The following ACMSD variants were observed in gnomAD, a reference collection of about 807,000 sequenced individuals.
ACMSD encodes 2-amino-3-carboxymuconate-6-semialdehyde decarboxylase.
A neutral mutation model predicts 45.9 loss-of-function variants in ACMSD; 37 were observed. The ratio of observed to expected loss-of-function variants is 0.81; its 90% CI spans 0.62 to 1.06. The LOEUF (loss-of-function observed/expected upper bound fraction) is 1.06, where lower values mean the gene tolerates loss of function less well. ACMSD is among the 50% of genes least tolerant of loss of function. The pLI is 0.00. For synonymous variants in ACMSD, 138 were observed against 148.8 expected, an observed-to-expected ratio of 0.93 and a Z score of 0.53; for missense variants, 434 against 420.9, an observed-to-expected ratio of 1.03 and a Z score of -0.27.
chr2:134,877,175 T>C lies in ACMSD; in HGVS notation c.849+4534T>C, dbSNP rs553987241. 3.9e-5 allele frequency among the ~76,000 whole-genome samples: 6 copies of C among 152,302 alleles called. No homozygotes were observed. In the East Asian group the frequency reaches 7.7e-4, roughly 20 times the overall value. Reference sequence around the variant, plus strand: ...GCATTGCACATAATAATAGTAGTAATAATGCATCACATTATGATGGCTATA... The same window carrying C: ...GCATTGCACATAATAATAGTAGTAACAATGCATCACATTATGATGGCTATA... On this transcript the variant is annotated intron_variant, in intron 8 of 9. Transcript: ENST00000356140.
chr2:134,883,286 T>G (rs1162041865), intron 8 of ACMSD, among the ~76,000 whole-genome samples: 1 of 151,922 alleles, frequency 6.6e-6, no homozygotes, highest in Admixed American at 6.6e-5. Flanking sequence ...CAGAAGAAAT[T>G]TCAGCTTTTG....
chr2:134,897,911 GTTAT>G lies in ACMSD; in HGVS notation c.850-427_850-424del, dbSNP rs1204726018. ...TTTTTTTTTTTTTACTTTTTATCGA[GTTAT>G]TTGTTTTTTATGTTTCCTTTCCTAC... On this transcript the variant is annotated intron_variant, in intron 8 of 9. Coordinates refer to ENST00000356140, the MANE Select transcript of ACMSD (RefSeq NM_138326.3). Among the ~76,000 whole-genome samples the G allele has an allele frequency of 4.8e-5, 7 of 146,026 alleles. 1 individual carries two copies. The highest frequency in any genetic ancestry group is 3.4e-4 in the Admixed American group (5 of 14,630).
intron 8 of ACMSD, among the ~76,000 whole-genome samples, chr2:134,875,463 T>C (rs928000578): frequency 2.6e-5 from 4 of 152,352 alleles, no homozygotes; most frequent in Non-Finnish European, 5.9e-5. Context: ...GCACCTGCTA[T>C]TTCTAAAACC....
intron 6 of ACMSD, 112 bp from the exon 7 acceptor site, chr2:134,870,853 G>A: frequency 1.2e-6 from 1 of 827,136 alleles, no homozygotes; most frequent in African/African-American, 1.7e-5. Context: ...ACTATGCCAG[G>A]GTACAAGGGC....
At chr2:134,889,807 T>C (rs771658897) in intron 8 of ACMSD, among the ~76,000 whole-genome samples, 5 of 152,020 alleles carry the variant, frequency 3.3e-5, no homozygotes, top group Non-Finnish European at 5.9e-5. Flanking sequence ...GTGATTCACA[T>C]TGAGCAAACC....
At chr2:134,872,366 C>A in intron 7 of ACMSD, 103 bp from the exon 8 acceptor site, 1 of 1,298,478 alleles carries the variant, frequency 7.7e-7, no homozygotes. Context: ...TCTGTAATTA[C>A]TGTTAATCAG....
At chr2:134,838,871 A>C in intron 1 of ACMSD, 132 bp downstream of exon 1, 1 of 550,954 alleles carries the variant, frequency 1.8e-6, no homozygotes, top group East Asian at 3.0e-5. Context: ...ATCATTTGGT[A>C]GTTCTGATTT....
intron 1 of ACMSD, among the ~76,000 whole-genome samples, chr2:134,841,477 A>G (rs1048635834): frequency 6.6e-6 from 1 of 152,200 alleles, no homozygotes; most frequent in Non-Finnish European, 1.5e-5. Flanking sequence ...CTTGCTAATA[A>G]TAATTTTAGT....
chr2:134,859,284 T>C lies in ACMSD; in HGVS notation c.126T>C (p.Asp42=), dbSNP rs1211260643. Residue 42 remains aspartate, a synonymous_variant, in exon 3 of 10, where the codon GAT becomes GAC. Coordinates refer to ENST00000356140, the MANE Select transcript of ACMSD (RefSeq NM_138326.3). ...HSKGEAKLLK[D]GKVFRVVREN... Reference sequence around the variant, plus strand: ...AGGGAGAAGCAAAGTTGTTGAAAGATGGGAAAGTCTTCAGAGTGGTGCGAG... The same window carrying C: ...AGGGAGAAGCAAAGTTGTTGAAAGACGGGAAAGTCTTCAGAGTGGTGCGAG... 11 of 1,614,068 alleles carry C rather than the reference T, an allele frequency of 6.8e-6. No homozygotes were observed. The highest frequency in any genetic ancestry group is 1.7e-5 in the Admixed American group (1 of 60,002).
chr2:134,873,926 G>T (rs1029489126), intron 8 of ACMSD, among the ~76,000 whole-genome samples: 4 of 152,170 alleles, frequency 2.6e-5, no homozygotes, highest in African/African-American at 9.7e-5. Context: ...AAATCATGTG[G>T]AATTGGGGGA....
intron 7 of ACMSD, among the ~76,000 whole-genome samples, chr2:134,871,998 A>G (rs1465679676): frequency 2.7e-5 from 4 of 148,256 alleles, no homozygotes; most frequent in Admixed American, 2.0e-4. Flanking sequence ...ACCCTGTCAC[A>G]CAGGCTGGAG....
At chr2:134,858,554 G>A (rs1410528529) in intron 2 of ACMSD, among the ~76,000 whole-genome samples, 1 of 152,150 alleles carries the variant, frequency 6.6e-6, no homozygotes, top group African/African-American at 2.4e-5. Context: ...TGAAGTAATG[G>A]ACATTTTAAT....
chr2:134,901,942 C>A lies in ACMSD; in HGVS notation c.*82C>A. On this transcript the variant is annotated 3_prime_UTR_variant, in exon 10 of 10. Transcript: ENST00000356140. Reference sequence around the variant, plus strand: ...ATGTATCAACAGGTATCAACAAAATCCTATTTTGAACTATTTTACTCAGAA... The same window carrying A: ...ATGTATCAACAGGTATCAACAAAATACTATTTTGAACTATTTTACTCAGAA... The A allele has an allele frequency of 9.8e-7, 1 of 1,017,058 alleles. No homozygotes were observed. Among genetic ancestry groups the A allele is most frequent in the Non-Finnish European group, 1.4e-6 (1 of 694,142 alleles). 63.0% of individuals were successfully genotyped at this position (1,017,058 alleles called of 1,614,324 possible).
chr2:134,854,883 T>C (rs1687508523), intron 2 of ACMSD, among the ~76,000 whole-genome samples: 1 of 152,214 alleles, frequency 6.6e-6, no homozygotes, highest in African/African-American at 2.4e-5. Context: ...TGCTACTAAG[T>C]AATTTAATGA....
intron 6 of ACMSD, among the ~76,000 whole-genome samples, chr2:134,869,990 T>C (rs767556377): frequency 6.6e-6 from 1 of 152,218 alleles, no homozygotes; most frequent in Non-Finnish European, 1.5e-5. Context: ...TGGGTACAAA[T>C]CCATCATGCT....
chr2:134,849,445 C>T (rs1021218493), intron 2 of ACMSD, among the ~76,000 whole-genome samples: 2 of 152,164 alleles, frequency 1.3e-5, no homozygotes, highest in Middle Eastern at 3.2e-3. Flanking sequence ...ATGTAAACAA[C>T]ATGCAAATGT....
chr2:134,842,705 T>C (rs955459735), intron 1 of ACMSD, among the ~76,000 whole-genome samples: 7 of 152,166 alleles, frequency 4.6e-5, no homozygotes, highest in African/African-American at 1.7e-4. Flanking sequence ...GTCAGCAGCT[T>C]TATATGCACT....
chr2:134,853,634 T>TG (rs1687449914), intron 2 of ACMSD, among the ~76,000 whole-genome samples: 2 of 152,108 alleles, frequency 1.3e-5, no homozygotes, highest in South Asian at 4.1e-4. Flanking sequence ...CAGCCTTGCC[T>TG]GAATGTAAAG....
chr2:134,840,497 G>A (rs6732020), intron 1 of ACMSD, among the ~76,000 whole-genome samples: 25 of 152,222 alleles, frequency 1.6e-4, no homozygotes, highest in African/African-American at 6.0e-4. Context: ...GCAGCCTTCT[G>A]GAGGTGATTA....
Sources: allele counts gnomAD v4.1 joint callset (sites outside exome capture counted in the v4.1 genomes callset), GRCh38; gene constraint gnomAD v4.1.1; transcripts MANE v1.5; gene names NCBI Gene and HGNC (gene_info 2026-07-23, HGNC 2026-07-21).